PLEKHA6: variants seen among roughly 807,000 people sequenced by gnomAD.
PLEKHA6 encodes the protein pleckstrin homology domain-containing family A member 6.
PLEKHA6 carries 60 observed loss-of-function variants against 116.7 expected under a neutral mutation model. The ratio of observed to expected loss-of-function variants is 0.51; its 90% CI spans 0.42 to 0.64. PLEKHA6 has a LOEUF of 0.64. Ranked by LOEUF, PLEKHA6 falls within the 30% of genes least tolerant of loss-of-function variation. The pLI is 0.00. For synonymous variants in PLEKHA6, 489 were observed against 556.1 expected, an observed-to-expected ratio of 0.88 and a Z score of 1.70; for missense variants, 1,338 against 1,422.7, an observed-to-expected ratio of 0.94 and a Z score of 0.96.
intron 1 of PLEKHA6, chr1:204,282,815 G>A (rs1339939782): frequency 1.0e-6 from 1 of 985,042 alleles, no homozygotes; most frequent in Non-Finnish European, 1.2e-6. Flanking sequence ...TCTAAAGAGA[G>A]GGGGAATTCA....
Position 204,259,223 on chromosome 1 carries a change from A to T in PLEKHA6, c.1007+35T>A. 1 of 1,602,604 alleles carries T rather than the reference A, an allele frequency of 6.2e-7. No individual in the cohort carries two copies. Among genetic ancestry groups the T allele is most frequent in the Non-Finnish European group, 8.5e-7 (1 of 1,175,762 alleles). ...ACTCGCACGCTCTAGCCATAATACC[A>T]TATCAGCCCCACCCCAGCCGCCGGC... On this transcript the variant is annotated intron_variant, in intron 8 of 22. Coordinates refer to ENST00000272203, the MANE Select transcript of PLEKHA6 (RefSeq NM_014935.5). This position sits in a 1 kb window ranked among gnomAD's most constrained non-coding sequence, Gnocchi z 4.6.
At chr1:204,334,868 A>G (rs1010892073) in intron 1 of PLEKHA6, among the ~76,000 whole-genome samples, 4 of 152,328 alleles carry the variant, frequency 2.6e-5, no homozygotes, top group African/African-American at 9.6e-5. Context: ...ACTGCACTCC[A>G]GCCTGGGTGA....
chr1:204,225,504 C>T (rs1478836650), intron 21 of PLEKHA6, among the ~76,000 whole-genome samples: 1 of 152,332 alleles, frequency 6.6e-6, no homozygotes, highest in East Asian at 1.9e-4. Context: ...TGTACTTTCT[C>T]CCAGCCTGTG....
At chr1:204,307,826 G>A (rs755929156) in intron 1 of PLEKHA6, 139 of 981,482 alleles carry the variant, frequency 1.4e-4, no homozygotes, top group Non-Finnish European at 1.6e-4. Context: ...GCTCTCCACT[G>A]TCTCTCCCAG....
Position 204,228,708 on chromosome 1 carries a change from G to A in PLEKHA6, c.2885+20C>T. 6.2e-6 allele frequency: 10 copies of A among 1,611,738 alleles called. No homozygotes were observed. Among genetic ancestry groups the A allele is most frequent in the Non-Finnish European group, 8.5e-6 (10 of 1,177,924 alleles). ...TGCCAGGGTGAGCAGAGGAAGTAGA[G>A]GCTCACCCAGGCTGGTTACCTGGAT... On this transcript the variant is annotated intron_variant, in intron 20 of 22. Coordinates refer to ENST00000272203, the MANE Select transcript of PLEKHA6 (RefSeq NM_014935.5). This position sits in a 1 kb window ranked among gnomAD's most constrained non-coding sequence, Gnocchi z 4.0.
At chr1:204,233,443 C>T (rs1452181010) in intron 17 of PLEKHA6, among the ~76,000 whole-genome samples, 1 of 150,186 alleles carries the variant, frequency 6.7e-6, no homozygotes, top group Admixed American at 6.7e-5. Context: ...CAGGTTCAAG[C>T]GATTCTCCTG....
At chr1:204,235,718 C>T (rs1284998473) in intron 17 of PLEKHA6, among the ~76,000 whole-genome samples, 3 of 136,260 alleles carry the variant, frequency 2.2e-5, no homozygotes, top group African/African-American at 8.5e-5. Flanking sequence ...TAGGAGGACC[C>T]TGATGAAGCT....
intron 1 of PLEKHA6, among the ~76,000 whole-genome samples, chr1:204,320,836 C>A (rs1397846584): frequency 1.3e-5 from 2 of 152,106 alleles, no homozygotes; most frequent in East Asian, 1.9e-4. Context: ...AGCCTTCCCC[C>A]AAAAAACCCA....
intron 17 of PLEKHA6, among the ~76,000 whole-genome samples, chr1:204,231,428 A>G (rs1661166205): frequency 6.6e-6 from 1 of 152,190 alleles, no homozygotes; most frequent in African/African-American, 2.4e-5. Flanking sequence ...TCCCTGCTAT[A>G]AAATGGCAAA....
rs377405293 is a variant in PLEKHA6, at chr1:204,264,987, G to A, written c.336C>T (p.Ala112=). ...TGATGTTGTCTGAGGGCTGCACTGC[G>A]GCTACCCGGAAGCTCAGGAGGGGGA... ...GSIPLLSFRV[A]AVQPSDNISR... is the part of the protein sequence containing the mutation. The change falls in exon 6 of 23, where the codon GCC becomes GCT. Residue 112 remains alanine (A), a synonymous_variant. Transcript: ENST00000272203. 5.0e-5 allele frequency: 81 copies of A among 1,614,004 alleles called. No individual in the cohort carries two copies. The highest frequency in any genetic ancestry group is 2.9e-4 in the South Asian group (26 of 91,082).
chr1:204,233,342 A>ATTTTTT (rs143142208), intron 17 of PLEKHA6, among the ~76,000 whole-genome samples: 2 of 132,962 alleles, frequency 1.5e-5, no homozygotes, highest in South Asian at 4.9e-4. Flanking sequence ...CACCTGGCTA[A>ATTTTTT]TTTTTTTTTT....
At chr1:204,236,549 A>T (rs1292833889) in intron 17 of PLEKHA6, among the ~76,000 whole-genome samples, 1 of 152,174 alleles carries the variant, frequency 6.6e-6, no homozygotes, top group Non-Finnish European at 1.5e-5. Flanking sequence ...TCAACTAAAA[A>T]ATTTAAATAC....
At chr1:204,231,404 C>A (rs1156600866) in intron 17 of PLEKHA6, among the ~76,000 whole-genome samples, 2 of 152,126 alleles carry the variant, frequency 1.3e-5, no homozygotes, top group African/African-American at 4.8e-5. Flanking sequence ...TACCAAAATT[C>A]ATGAATGCTC....
chr1:204,295,573 T>C (rs2103053375), intron 1 of PLEKHA6, among the ~76,000 whole-genome samples: 1 of 152,068 alleles, frequency 6.6e-6, no homozygotes, highest in East Asian at 1.9e-4. Context: ...CAAGTCCTTG[T>C]TCTCTTGGGG....
At chr1:204,227,132 G>A (rs553641410) in intron 21 of PLEKHA6, among the ~76,000 whole-genome samples, 2 of 152,318 alleles carry the variant, frequency 1.3e-5, no homozygotes, top group East Asian at 1.9e-4. Flanking sequence ...TCTGAGCCAC[G>A]GTTCTAACCT....
chr1:204,357,041 C>T (rs1269808549), intron 1 of PLEKHA6, among the ~76,000 whole-genome samples: 1 of 152,182 alleles, frequency 6.6e-6, no homozygotes. Flanking sequence ...CATCCACACA[C>T]GGACTATTAT....
In PLEKHA6 at chr1:204,257,606, A is replaced by T; in HGVS notation, c.1271T>A (p.Ile424Asn). 1 of 1,609,248 alleles carries T rather than the reference A, an allele frequency of 6.2e-7. No individual in the cohort carries two copies. Among genetic ancestry groups the T allele is most frequent in the Non-Finnish European group, 8.5e-7 (1 of 1,178,234 alleles). ...GACTGGCTGCCGGGAGGGGCTTGGG[A>T]TCCAGACGGTGGCATCCTGCCGCCC... Reference protein sequence around the residue: ...SYGRQDATVWIPSPSRQPVYY... With the variant: ...SYGRQDATVWNPSPSRQPVYY... Residue 424 changes from isoleucine to asparagine, a missense_variant, in exon 9 of 23, where the codon ATC becomes AAC. Physicochemically the swap from Ile to Asn is moderately radical, Grantham distance 149 (BLOSUM62 -3). Around this residue, in one of 3 missense-constraint regions of PLEKHA6, gnomAD observed 1,136 missense variants for 1,163.6 expected, o/e 0.98. Transcript: ENST00000272203. This position sits in a 1 kb window ranked among gnomAD's most constrained non-coding sequence, Gnocchi z 6.5.
intron 6 of PLEKHA6, among the ~76,000 whole-genome samples, chr1:204,263,937 C>T (rs1052734508): frequency 1.3e-5 from 2 of 152,114 alleles, no homozygotes; most frequent in African/African-American, 4.8e-5. Flanking sequence ...TTCCTTGCTC[C>T]CTGTAGCGGG....
intron 3 of PLEKHA6, among the ~76,000 whole-genome samples, chr1:204,269,059 G>A (rs1326773674): frequency 6.6e-6 from 1 of 151,940 alleles, no homozygotes; most frequent in Admixed American, 6.6e-5. Flanking sequence ...GCACTCCAGC[G>A]ATGCTCCCAG....
Sources: allele counts gnomAD v4.1 joint callset (sites outside exome capture counted in the v4.1 genomes callset), GRCh38; gene constraint gnomAD v4.1.1; regional missense constraint gnomAD v4.1.1; non-coding constraint Gnocchi (gnomAD v3.1); transcripts MANE v1.5; gene names NCBI Gene and HGNC (gene_info 2026-07-23, HGNC 2026-07-21).